The following TAFA2 variants were observed in gnomAD, a reference collection of about 807,000 sequenced individuals.
TAFA2 encodes the protein TAFA chemokine like family member 2.
A neutral mutation model predicts 18.8 loss-of-function variants in TAFA2; 7 were observed. The ratio of observed to expected loss-of-function variants is 0.37; its 90% confidence interval spans 0.21 to 0.70. TAFA2 has a LOEUF of 0.70. Among genes scored for constraint, TAFA2 ranks in the 30% least tolerant of loss-of-function variants. The probability of loss-of-function intolerance (pLI) is 0.53; values close to 1 mark genes in which losing one functional copy is unlikely to be tolerated. For missense variants in TAFA2, 122 were observed against 158.1 expected (o/e 0.77, Z 1.23); for synonymous variants, 60 against 54.2 (o/e 1.11, Z -0.47).
chr12:61,822,270 C>A (rs1402710785), intron 2 of TAFA2, among the ~76,000 whole-genome samples: 1 of 152,060 alleles, frequency 6.6e-6, no homozygotes, highest in Non-Finnish European at 1.5e-5. Flanking sequence ...AATCTTGTAA[C>A]CTGAGCACCG....
chr12:61,928,375 C>T (rs1355006420), intron 1 of TAFA2, among the ~76,000 whole-genome samples: 1 of 152,144 alleles, frequency 6.6e-6, no homozygotes, highest in Non-Finnish European at 1.5e-5. Context: ...AGACACTTCT[C>T]AAAAGAAGAC....
At chr12:62,224,140 T>C (rs1304829069) in intron 1 of TAFA2, among the ~76,000 whole-genome samples, 1 of 148,688 alleles carries the variant, frequency 6.7e-6, no homozygotes, top group Non-Finnish European at 1.5e-5. Context: ...TTATTCAGCC[T>C]TAAAAAGGAA....
At chr12:62,070,539 C>T (rs1373853783) in intron 1 of TAFA2, 3 of 152,106 alleles carry the variant, frequency 2.0e-5, no homozygotes, top group Non-Finnish European at 4.4e-5. Flanking sequence ...ATTCTCTTGC[C>T]TCTGCTAGTA....
intron 1 of TAFA2, among the ~76,000 whole-genome samples, chr12:62,148,286 A>T (rs2062302196): frequency 6.6e-6 from 1 of 152,246 alleles, no homozygotes; most frequent in African/African-American, 2.4e-5. Context: ...AAAGACATAG[A>T]ATTAAACCAG....
At chr12:62,235,446 G>C (rs188178292) in intron 1 of TAFA2, 2 of 631,658 alleles carry the variant, frequency 3.2e-6, no homozygotes, top group Non-Finnish European at 5.7e-6. Flanking sequence ...TGGGCAGCCT[G>C]GTGCGCCGCC....
chr12:62,128,314 T>A (rs902395479), intron 1 of TAFA2, among the ~76,000 whole-genome samples: 2 of 152,106 alleles, frequency 1.3e-5, no homozygotes, highest in Non-Finnish European at 2.9e-5. Flanking sequence ...TATTGTTAAC[T>A]GTGACAAAAT....
chr12:61,758,924 T>G (rs552154613), intron 2 of TAFA2, among the ~76,000 whole-genome samples: 1 of 152,050 alleles, frequency 6.6e-6, no homozygotes, highest in South Asian at 2.1e-4. Context: ...GTGACATCAG[T>G]AGGCAGATCA....
At chr12:61,875,088 AC>A (rs1439574115) in intron 1 of TAFA2, among the ~76,000 whole-genome samples, 1 of 152,124 alleles carries the variant, frequency 6.6e-6, no homozygotes, top group Non-Finnish European at 1.5e-5. Flanking sequence ...AAATTTGTCA[AC>A]TTTACTTAAC....
rs536504536 is a variant in TAFA2 at position 62,173,483 on chromosome 12, C to T, written c.-2+17776G>A. On this transcript the variant is annotated intron_variant, in intron 1 of 4. Coordinates refer to ENST00000416284, the MANE Select transcript of TAFA2 (RefSeq NM_178539.5). ...CAATTTCCCTTTAAGACATTCTAAA[C>T]TGAAAGTACATAGAGAAGGTCATTC... 4.6e-5 allele frequency among the ~76,000 whole-genome samples: 7 copies of T among 152,266 alleles called. No homozygotes were observed. The East Asian group carries it at 1.3e-3, about 29-fold the overall frequency.
chr12:61,855,129 C>T (rs1873830459), intron 2 of TAFA2, among the ~76,000 whole-genome samples: 2 of 152,154 alleles, frequency 1.3e-5, no homozygotes, highest in African/African-American at 2.4e-5. Context: ...GGCTCAGATT[C>T]TTGTCTCAGT....
chr12:62,106,595 A>G (rs900890497), intron 1 of TAFA2, among the ~76,000 whole-genome samples: 4 of 152,222 alleles, frequency 2.6e-5, no homozygotes, highest in African/African-American at 7.2e-5. Flanking sequence ...AAATTAAAAG[A>G]AAGCGTAGAA....
intron 1 of TAFA2, among the ~76,000 whole-genome samples, chr12:61,874,690 G>A (rs1416824541): frequency 3.3e-5 from 5 of 152,016 alleles, no homozygotes; most frequent in Admixed American, 6.6e-5. Context: ...GATTTCTCCA[G>A]AAACACAATA....
chr12:61,934,349 C>A (rs1877679399), intron 1 of TAFA2, among the ~76,000 whole-genome samples: 1 of 152,140 alleles, frequency 6.6e-6, no homozygotes, highest in Non-Finnish European at 1.5e-5. Flanking sequence ...CCCAGGATCA[C>A]AAAATTCCAG....
chr12:62,175,212 A>G (rs753316542), intron 1 of TAFA2, among the ~76,000 whole-genome samples: 14 of 152,156 alleles, frequency 9.2e-5, no homozygotes, highest in Non-Finnish European at 1.9e-4. Flanking sequence ...CAGAACTTTG[A>G]TTCTGTGAAA....
chr12:62,021,633 G>A, intron 1 of TAFA2: 1 of 1,147,962 alleles, frequency 8.7e-7, no homozygotes, highest in Non-Finnish European at 1.3e-6. Context: ...GTTCTGAGAT[G>A]GGGTGGTGTG....
intron 1 of TAFA2, among the ~76,000 whole-genome samples, chr12:62,045,447 G>A (rs1415381624): frequency 6.6e-6 from 1 of 152,178 alleles, no homozygotes; most frequent in Non-Finnish European, 1.5e-5. Flanking sequence ...ATCACACGAT[G>A]CACGTAGTGA....
intron 1 of TAFA2, among the ~76,000 whole-genome samples, chr12:62,256,293 G>C (rs1335643006): frequency 5.3e-5 from 8 of 151,816 alleles, no homozygotes; most frequent in Non-Finnish European, 1.2e-4. Context: ...ATATAAAGTA[G>C]GAACCTAGAT....
chr12:62,146,509 T>C (rs1431783494), intron 1 of TAFA2, among the ~76,000 whole-genome samples: 1 of 152,128 alleles, frequency 6.6e-6, no homozygotes, highest in Non-Finnish European at 1.5e-5. Flanking sequence ...ACTTCTCCTT[T>C]AATCGGCTGG....
At chr12:61,758,166 T>A (rs1424509706) in intron 2 of TAFA2, among the ~76,000 whole-genome samples, 1 of 151,990 alleles carries the variant, frequency 6.6e-6, no homozygotes, top group Admixed American at 6.6e-5. Flanking sequence ...AATAAAAGCA[T>A]TATTGAAGTA....
Sources: gnomAD v4.1 joint callset for allele counts (sites outside exome capture counted in the v4.1 genomes callset) on GRCh38, gnomAD v4.1.1 for gene constraint, MANE v1.5 for transcripts, NCBI Gene and HGNC (gene_info 2026-07-23, HGNC 2026-07-21) for gene names.